Variants in CEP164 observed in about 807,000 individuals in gnomAD.
CEP164 encodes centrosomal protein 164.
Under a neutral mutation model 182.7 loss-of-function variants are expected in CEP164, and 162 were observed. The ratio of observed to expected loss-of-function variants is 0.89; its 90% confidence interval spans 0.78 to 1.01. CEP164 has a LOEUF of 1.01. CEP164 is among the 50% of genes least tolerant of loss of function. The probability of loss-of-function intolerance (pLI) is 0.00; values close to 1 mark genes in which losing one functional copy is unlikely to be tolerated. For synonymous variants in CEP164, 661 were observed against 690.0 expected (o/e 0.96, Z 0.66); for missense variants, 1,735 against 1,790.4 (o/e 0.97, Z 0.56).
chr11:117,341,362 T>C (rs749253279), intron 3 of CEP164, among the ~76,000 whole-genome samples: 1 of 152,152 alleles, frequency 6.6e-6, no homozygotes, highest in Non-Finnish European at 1.5e-5. Flanking sequence ...ATCCCCAGTA[T>C]ACTCAACATA....
chr11:117,387,165 T>TAACCC (rs1184713042), intron 14 of CEP164, 38 bp from the exon 15 acceptor site: 1 of 1,574,400 alleles, frequency 6.4e-7, no homozygotes, highest in Admixed American at 1.7e-5. Context: ...GGGTGGACAT[T>TAACCC]AACCCTGTGA....
chr11:117,392,233 C>G lies in CEP164; in HGVS notation c.2291C>G (p.Ala764Gly), dbSNP rs1014460360. The change falls in exon 18 of 33, where the codon GCA (alanine) becomes GGA (glycine). Residue 764 changes from alanine to glycine, a missense_variant. Physicochemically the swap from Ala to Gly is moderately conservative, Grantham distance 60. Transcript: ENST00000278935. ...QLEGERKEAVATLEKEHSAEL... is the reference protein window; with the variant it reads ...QLEGERKEAVGTLEKEHSAEL... ...CCCTTTGCTCCTCCCCAGGCTGTGGCAACGCTGGAGAAGGAGCACAGTGCT... is the reference window on the plus strand; with the variant it reads ...CCCTTTGCTCCTCCCCAGGCTGTGGGAACGCTGGAGAAGGAGCACAGTGCT... 1 of 1,603,696 alleles carries G rather than the reference C, an allele frequency of 6.2e-7. No homozygotes were observed. Among genetic ancestry groups the G allele is most frequent in the Non-Finnish European group, 8.5e-7 (1 of 1,174,046 alleles).
intron 8 of CEP164, among the ~76,000 whole-genome samples, chr11:117,365,061 T>A (rs1369528314): frequency 6.6e-6 from 1 of 152,214 alleles, no homozygotes; most frequent in Admixed American, 6.5e-5. Context: ...TATTTTCTTC[T>A]CCACCACCAG....
At chr11:117,331,372 G>C (rs1202139096) in intron 1 of CEP164, among the ~76,000 whole-genome samples, 1 of 152,164 alleles carries the variant, frequency 6.6e-6, no homozygotes, top group African/African-American at 2.4e-5. Flanking sequence ...TAATAGTTAA[G>C]AATTATCTAA....
At position 117,371,398 on chromosome 11, in the gene CEP164, G is replaced by A; in HGVS notation, c.1084G>A (p.Glu362Lys). 6.2e-7 allele frequency: 1 copy of A among 1,614,186 alleles called. No individual in the cohort carries two copies. The highest frequency in any genetic ancestry group is 1.7e-5 in the Admixed American group (1 of 60,018). ...VDAGEEGSRR[E>K]EAAKEPKKKA... ...TGCAGGAGAGGAGGGTTCCAGGAGG[G>A]AAGAGGCAGCCAAGGAGCCAAAGAA... is the stretch of plus-strand genomic sequence containing the variant. The change falls in exon 9 of 33, where the codon GAA (glutamate) becomes AAA (lysine). Residue 362 changes from glutamate to lysine, a missense_variant. By Grantham distance (56) the Glu-to-Lys change is moderately conservative. Coordinates refer to ENST00000278935, the MANE Select transcript of CEP164 (RefSeq NM_014956.5).
At chr11:117,373,228 A>G (rs1033966543) in intron 9 of CEP164, among the ~76,000 whole-genome samples, 1 of 152,056 alleles carries the variant, frequency 6.6e-6, no homozygotes, top group Non-Finnish European at 1.5e-5. Context: ...TTAGCTGGAC[A>G]TGGTGATGCG....
At chr11:117,390,345 C>G (rs562859381) in intron 15 of CEP164, among the ~76,000 whole-genome samples, 1 of 151,970 alleles carries the variant, frequency 6.6e-6, no homozygotes, top group Non-Finnish European at 1.5e-5. Context: ...TTAGACTCAT[C>G]TTTAAGATTT....
chr11:117,367,623 C>T (rs1383056821), intron 8 of CEP164, among the ~76,000 whole-genome samples: 1 of 152,144 alleles, frequency 6.6e-6, no homozygotes, highest in African/African-American at 2.4e-5. Context: ...GTGCTGCACC[C>T]ATTAACTCAT....
intron 27 of CEP164, among the ~76,000 whole-genome samples, chr11:117,399,033 C>A (rs1373829033): frequency 6.6e-6 from 1 of 151,846 alleles, no homozygotes; most frequent in Non-Finnish European, 1.5e-5. Context: ...ATGTGCAGAC[C>A]ATGCAGGTTT....
In CEP164 at chr11:117,411,210, T is replaced by TCCCTCTAGC; in HGVS notation, c.4163+322_4163+330dup. 2 of 327,782 alleles carry TCCCTCTAGC rather than the reference T, an allele frequency of 6.1e-6. No homozygotes were observed. Among genetic ancestry groups the TCCCTCTAGC allele is most frequent in the Non-Finnish European group, 1.1e-5 (2 of 177,512 alleles). 20.3% of individuals were successfully genotyped at this position (327,782 alleles called of 1,614,324 possible). A position where few individuals can be genotyped will look rare whatever the true frequency, so the allele number is the denominator to read the frequency against. On this transcript the variant is annotated intron_variant, in intron 31 of 32. Coordinates refer to ENST00000278935, the MANE Select transcript of CEP164 (RefSeq NM_014956.5). This position sits in a 1 kb window ranked among gnomAD's most constrained non-coding sequence, Gnocchi z 4.4. ...CCTGGTGGGACCCTGCCCCCGCCCC[T>TCCCTCTAGC]CCCTCTAGCCCCTCCAGCCCCGGAG...
At position 117,394,426 on chromosome 11, in the gene CEP164, A is replaced by G; in HGVS notation, c.2693A>G (p.Glu898Gly). 1 of 1,614,002 alleles carries G rather than the reference A, an allele frequency of 6.2e-7. No homozygotes were observed. Among genetic ancestry groups the G allele is most frequent in the South Asian group, 1.1e-5 (1 of 91,020 alleles). ...LERLQRAHERELETVRQEQHK... is the reference protein window; with the variant it reads ...LERLQRAHERGLETVRQEQHK... ...CGCCTGCAGAGGGCCCATGAACGAG[A>G]ACTGGAGACTGTGAGGCAGGAGCAA... The change falls in exon 21 of 33, where the codon GAA becomes GGA. Residue 898 changes from glutamate to glycine, a missense_variant. Glu to Gly is a moderately conservative substitution (Grantham distance 98). Coordinates refer to ENST00000278935, the MANE Select transcript of CEP164 (RefSeq NM_014956.5). The surrounding 1 kb of genome is among the most constrained non-coding windows in gnomAD (Gnocchi z 4.0).
intron 5 of CEP164, among the ~76,000 whole-genome samples, chr11:117,352,696 C>T (rs1032947582): frequency 6.6e-6 from 1 of 152,222 alleles, no homozygotes; most frequent in Non-Finnish European, 1.5e-5. Context: ...AAGCAATTCT[C>T]CTGCCTCAGC....
Position 117,361,967 on chromosome 11 carries a change from G to A in CEP164, c.526G>A (p.Gly176Arg). 1.3e-6 allele frequency: 2 copies of A among 1,586,982 alleles called. No individual in the cohort carries two copies. The highest frequency in any genetic ancestry group is 1.7e-6 in the Non-Finnish European group (2 of 1,170,880). ...GAGCCTGGGGAGCTCAGTGGAGTCTGGACGTCAGCTTGGAGAACTCATGCT... is the reference window on the plus strand; with the variant it reads ...GAGCCTGGGGAGCTCAGTGGAGTCTAGACGTCAGCTTGGAGAACTCATGCT... ...SVSLGSSVESGRQLGELMLPS... is the reference protein window; with the variant it reads ...SVSLGSSVESRRQLGELMLPS... Residue 176 changes from glycine (G) to arginine (R), a missense_variant, in exon 6 of 33, where the codon GGA becomes AGA. By Grantham distance (125) the Gly-to-Arg change is moderately radical. Transcript: ENST00000278935.
At position 117,341,594 on chromosome 11, in the gene CEP164, C is replaced by T. The variant is rs1034940635; in HGVS notation, c.83-2572C>T. Reference sequence around the variant, plus strand: ...AAGTAGCTGGGACCACAAGTGCATACCATCAGGCCTGGCTAATTTTTGTAT... The same window carrying T: ...AAGTAGCTGGGACCACAAGTGCATATCATCAGGCCTGGCTAATTTTTGTAT... On this transcript the variant is annotated intron_variant, in intron 3 of 32. Transcript: ENST00000278935. Among the ~76,000 whole-genome samples, 5 of 152,128 alleles carry T rather than the reference C, an allele frequency of 3.3e-5. No individual in the cohort carries two copies. The East Asian group carries it at 5.8e-4, about 18-fold the overall frequency.
At chr11:117,397,348 G>T (rs1464933407) in intron 27 of CEP164, 35 bp downstream of exon 27, 4 of 1,588,584 alleles carry the variant, frequency 2.5e-6, no homozygotes, top group Non-Finnish European at 2.6e-6. Context: ...CCAGCCCTGT[G>T]TGGGGGAGGC....
In CEP164 at chr11:117,336,212, C is replaced by T. The variant is rs539324456; in HGVS notation, c.-22+532C>T. On this transcript the variant is annotated intron_variant, in intron 2 of 32. Coordinates refer to ENST00000278935, the MANE Select transcript of CEP164 (RefSeq NM_014956.5). ...TCCAGGGCCTGTATTCAGTCAGAAT[C>T]GCTGCTGGAAGAGGAGGAGAAAGAG... 31 of 1,592,042 alleles carry T rather than the reference C, an allele frequency of 1.9e-5. 1 individual carries two copies. The highest frequency in any genetic ancestry group is 2.4e-5 in the Non-Finnish European group (28 of 1,167,950).
chr11:117,356,710 TTC>T, intron 5 of CEP164: 1 of 1,146,208 alleles, frequency 8.7e-7, no homozygotes. Context: ...CAGGCCTGCA[TTC>T]CTGTTACCCA....
In CEP164 at chr11:117,393,125, A is replaced by C; in HGVS notation, c.2615A>C (p.Glu872Ala). 1 of 1,612,272 alleles carries C rather than the reference A, an allele frequency of 6.2e-7. No individual in the cohort carries two copies. The highest frequency in any genetic ancestry group is 8.5e-7 in the Non-Finnish European group (1 of 1,179,194). The change falls in exon 20 of 33, where the codon GAG (glutamate) becomes GCG (alanine). Residue 872 changes from glutamate to alanine, a missense_variant and splice_region_variant. By Grantham distance (107) the Glu-to-Ala change is moderately radical. Coordinates refer to ENST00000278935, the MANE Select transcript of CEP164 (RefSeq NM_014956.5). ...MAKAREQYEA[E>A]ERKQRAELLG... ...AAGGCCAGAGAGCAGTATGAAGCTG[A>C]GGTAGCTCAGCCACATCCCCTGCGC...
intron 4 of CEP164, among the ~76,000 whole-genome samples, chr11:117,349,242 C>A (rs894404944): frequency 1.3e-5 from 2 of 152,042 alleles, no homozygotes; most frequent in African/African-American, 4.8e-5. Context: ...AGGCTGGTCT[C>A]GAACTCCCGA....
Sources: gnomAD v4.1 joint callset for allele counts (sites outside exome capture counted in the v4.1 genomes callset) on GRCh38, gnomAD v4.1.1 for gene constraint, Gnocchi (gnomAD v3.1) non-coding constraint, MANE v1.5 for transcripts, NCBI Gene and HGNC (gene_info 2026-07-23, HGNC 2026-07-21) for gene names.